Variants in SFTPB observed in about 807,000 individuals in gnomAD.
The protein encoded by SFTPB is surfactant protein B, also known as pulmonary surfactant-associated protein B.
In SFTPB, 32 loss-of-function variants were observed where a neutral mutation model predicts 51.0. The observed-to-expected ratio is 0.63, with a 90% CI of 0.47 to 0.84. The LOEUF (loss-of-function observed/expected upper bound fraction) is 0.84. Ranked by LOEUF, SFTPB falls within the 40% of genes least tolerant of loss-of-function variation. SFTPB has a pLI of 0.00. For synonymous variants in SFTPB, 211 were observed against 208.5 expected, an observed-to-expected ratio of 1.01 and a Z score of -0.10; for missense variants, 431 against 491.2, an observed-to-expected ratio of 0.88 and a Z score of 1.16.
chr2:85,667,036 C>T, intron 3 of SFTPB, 70 bp downstream of exon 3: 1 of 1,401,928 alleles, frequency 7.1e-7, no homozygotes, highest in South Asian at 1.2e-5. Context: ...CTTTAGGGGG[C>T]TCAGCTCTTC....
chr2:85,661,558 G>A (rs901522764), intron 9 of SFTPB, 23 bp from the exon 10 acceptor site: 1 of 1,598,910 alleles, frequency 6.3e-7, no homozygotes, highest in Non-Finnish European at 8.5e-7. Context: ...CAGCACCAGG[G>A]CTGAGGCCTG....
chr2:85,668,072 G>T, intron 1 of SFTPB, 45 bp downstream of exon 1: 1 of 1,444,550 alleles, frequency 6.9e-7, no homozygotes, highest in Non-Finnish European at 9.5e-7. Context: ...AGTGCTCAGT[G>T]AGTGGTGGAG....
intron 8 of SFTPB, chr2:85,662,365 T>C (rs1677350369): frequency 6.1e-6 from 7 of 1,142,246 alleles, no homozygotes; most frequent in Non-Finnish European, 8.1e-6. Context: ...GCCACCACCC[T>C]CCCCTCCCTC....
In SFTPB at chr2:85,661,998, T is replaced by C. The variant is rs754332581; in HGVS notation, c.1083+31A>G. On this transcript the variant is annotated intron_variant, in intron 9 of 10. Coordinates refer to ENST00000519937, the MANE Select transcript of SFTPB (RefSeq NM_000542.5). Reference sequence around the variant, plus strand: ...TGGGGGCTCTGGGAGCCAAGGGAAGTCCTAGGACCAACTGGGAGGGGTGGG... The same window carrying C: ...TGGGGGCTCTGGGAGCCAAGGGAAGCCCTAGGACCAACTGGGAGGGGTGGG... The C allele has an allele frequency of 8.9e-6, 14 of 1,575,222 alleles. 2 individuals carry two copies. The South Asian group carries it at 1.5e-4, about 17-fold the overall frequency.
intron 10 of SFTPB, 121 bp downstream of exon 10, chr2:85,661,333 G>C: frequency 4.3e-6 from 3 of 694,772 alleles, no homozygotes; most frequent in Non-Finnish European, 7.7e-6. Context: ...CGGTGAGAGG[G>C]AGGATGGAGC....
chr2:85,667,350 T>C (rs1263693594), intron 2 of SFTPB, among the ~76,000 whole-genome samples, 173 bp from the exon 3 acceptor site: 3 of 152,074 alleles, frequency 2.0e-5, no homozygotes, highest in Non-Finnish European at 1.5e-5. Flanking sequence ...CCATCTCTTC[T>C]ATTCATCCAT....
Position 85,658,096 on chromosome 2 carries a change from G to C in SFTPB, c.*1606C>G, listed in dbSNP as rs917298235. On this transcript the variant is annotated 3_prime_UTR_variant, in exon 11 of 11. Coordinates refer to ENST00000519937, the MANE Select transcript of SFTPB (RefSeq NM_000542.5). Reference sequence around the variant, plus strand: ...TGCTTCAGGCCATCTGGGTGTATACGTGCAGGGCACAGGGGATATGATGGC... The same window carrying C: ...TGCTTCAGGCCATCTGGGTGTATACCTGCAGGGCACAGGGGATATGATGGC... 3.9e-5 allele frequency: 6 copies of C among 152,544 alleles called. No individual in the cohort carries two copies. The highest frequency in any genetic ancestry group is 1.4e-4 in the African/African-American group (6 of 41,442). 9.4% of individuals were successfully genotyped at this position (152,544 alleles called of 1,614,324 possible). A position where few individuals can be genotyped will look rare whatever the true frequency, so the allele number is the denominator to read the frequency against.
Position 85,663,363 on chromosome 2 carries a change from AGGAGCCAACACAGGCCT to A in SFTPB, c.968_984del (p.Gln323LeufsTer68), listed in dbSNP as rs778059302. On this transcript the variant is annotated frameshift_variant, in exon 8 of 11. Transcript: ENST00000519937. LOFTEE classifies it high-confidence loss of function. ...GCCCATACCTTTTCCCTGTCCAGCCAGGAGCCAACACAGGCCTGGAGCATTGCCTGTGGTATGGCCTG... is the reference window on the plus strand; with the variant it reads ...GCCCATACCTTTTCCCTGTCCAGCCAGGAGCATTGCCTGTGGTATGGCCTG... 2.5e-6 allele frequency: 4 copies of A among 1,613,004 alleles called. No individual in the cohort carries two copies. Among genetic ancestry groups the A allele is most frequent in the Non-Finnish European group, 3.4e-6 (4 of 1,180,030 alleles).
chr2:85,667,600 C>G (rs1364735608), intron 2 of SFTPB, 79 bp downstream of exon 2: 9 of 1,584,514 alleles, frequency 5.7e-6, no homozygotes, highest in Admixed American at 3.3e-5. Context: ...GGGCTCCACT[C>G]TCCTCCTGCC....
intron 3 of SFTPB, 79 bp from the exon 4 acceptor site, chr2:85,666,821 A>G (rs1677673786): frequency 1.3e-6 from 2 of 1,582,760 alleles, no homozygotes; most frequent in East Asian, 2.2e-5. Flanking sequence ...AGGCCCCACC[A>G]GGGCAGACTG....
At chr2:85,666,521 G>C (rs1179170893) in intron 4 of SFTPB, 96 bp downstream of exon 4, 2 of 1,164,308 alleles carry the variant, frequency 1.7e-6, no homozygotes, top group Non-Finnish European at 2.5e-6. Flanking sequence ...GTGTGTGTGT[G>C]TCTGGCTGGC....
chr2:85,665,897 G>C, intron 4 of SFTPB, 103 bp from the exon 5 acceptor site: 1 of 1,063,086 alleles, frequency 9.4e-7, no homozygotes, highest in Non-Finnish European at 1.4e-6. Flanking sequence ...GGAGGAAGCA[G>C]GCCTAGTGGG....
intron 8 of SFTPB, 91 bp from the exon 9 acceptor site, chr2:85,662,200 A>G: frequency 2.6e-6 from 4 of 1,547,998 alleles, no homozygotes; most frequent in Non-Finnish European, 3.5e-6. Flanking sequence ...GGATCACTCT[A>G]GGGCTCCCTC....
At position 85,659,253 on chromosome 2, in the gene SFTPB, AT is replaced by A. The variant is rs1677176999; in HGVS notation, c.*448del. ...ATGTTCCCATTTTTTATTCTTCTGA[AT>A]TTTGAATTGCAAGTAGCTGTAAAAT... On this transcript the variant is annotated 3_prime_UTR_variant, in exon 11 of 11. Coordinates refer to ENST00000519937, the MANE Select transcript of SFTPB (RefSeq NM_000542.5). 6.6e-6 allele frequency: 1 copy of A among 152,168 alleles called. No homozygotes were observed. The highest frequency in any genetic ancestry group is 2.4e-5 in the African/African-American group (1 of 41,438). The allele number at this position is 152,168 out of a possible 1,614,324, so 9.4% of individuals were successfully genotyped here.
At chr2:85,667,057 C>G in intron 3 of SFTPB, 49 bp downstream of exon 3, 36 of 1,460,058 alleles carry the variant, frequency 2.5e-5, no homozygotes, top group Non-Finnish European at 2.9e-5. Context: ...CCTGCTCTGT[C>G]CCTCATCTCT....
intron 1 of SFTPB, 24 bp from the exon 2 acceptor site, chr2:85,667,830 C>T (rs755678748): frequency 1.9e-6 from 3 of 1,614,256 alleles, no homozygotes; most frequent in South Asian, 1.1e-5. Flanking sequence ...CCAGAGCAAC[C>T]TTAATCAGGA....
At chr2:85,661,813 C>T (rs1677315723) in intron 9 of SFTPB, among the ~76,000 whole-genome samples, 1 of 152,208 alleles carries the variant, frequency 6.6e-6, no homozygotes, top group African/African-American at 2.4e-5. Flanking sequence ...CATCCAGCCG[C>T]ACTCCTCAGG....
At chr2:85,666,517 G>C (rs578105110) in intron 4 of SFTPB, 100 bp downstream of exon 4, 10 of 1,182,190 alleles carry the variant, frequency 8.5e-6, no homozygotes, top group East Asian at 2.5e-5. Flanking sequence ...GTGTGTGTGT[G>C]TGTGTCTGGC....
chr2:85,665,647 G>C lies in SFTPB; in HGVS notation c.541C>G (p.Leu181Val). ...PLLDKLVLPV[L>V]PGALQARPGP... The stretch of plus-strand genomic sequence containing the variant: ...GGCCTCGCCTGGAGGGCCCCGGGCA[G>C]CACAGGGAGGACGAGCTTGTCCAGC... The change falls in exon 5 of 11, where the codon CTG becomes GTG. Residue 181 changes from leucine (L) to valine (V), a missense_variant. Leu to Val is a conservative substitution (Grantham distance 32, BLOSUM62 1). Coordinates refer to ENST00000519937, the MANE Select transcript of SFTPB (RefSeq NM_000542.5). 6.2e-7 allele frequency: 1 copy of C among 1,614,120 alleles called. No individual in the cohort carries two copies. Among genetic ancestry groups the C allele is most frequent in the Non-Finnish European group, 8.5e-7 (1 of 1,180,046 alleles).
Sources: gnomAD v4.1 joint callset for allele counts (sites outside exome capture counted in the v4.1 genomes callset) on GRCh38, gnomAD v4.1.1 for gene constraint, MANE v1.5 for transcripts, NCBI Gene and HGNC (gene_info 2026-07-23, HGNC 2026-07-21) for gene names.